CYP51A1: variants seen among roughly 807,000 people sequenced by gnomAD.
The protein encoded by CYP51A1 is lanosterol 14-alpha demethylase.
In CYP51A1, 45 loss-of-function variants were observed where a neutral mutation model predicts 53.5. The observed-to-expected ratio is 0.84, with a 90% confidence interval of 0.66 to 1.08. The LOEUF is 1.08. Ranked by LOEUF, CYP51A1 falls within the 50% of genes least tolerant of loss-of-function variation. The pLI is 0.00. For missense variants in CYP51A1, 462 were observed against 621.7 expected (o/e 0.74, Z 2.73); for synonymous variants, 181 against 217.7 (o/e 0.83, Z 1.48).
intron 7 of CYP51A1, among the ~76,000 whole-genome samples, chr7:92,120,964 A>G (rs1046505215): frequency 6.6e-6 from 1 of 152,184 alleles, no homozygotes; most frequent in African/African-American, 2.4e-5. Flanking sequence ...AAGACACTCA[A>G]CATCACTAGT....
chr7:92,134,158 A>G lies in CYP51A1; in HGVS notation c.192+15T>C, dbSNP rs754395890. On this transcript the variant is annotated intron_variant, in intron 1 of 9. Transcript: ENST00000003100. Reference sequence around the variant, plus strand: ...GCGGCGCGCGCCCCACTCAGACCCTAAAGAATGTACGTACCACCCCTGCGG... The same window carrying G: ...GCGGCGCGCGCCCCACTCAGACCCTGAAGAATGTACGTACCACCCCTGCGG... 1.9e-6 allele frequency: 3 copies of G among 1,610,246 alleles called. No homozygotes were observed. Among genetic ancestry groups the G allele is most frequent in the South Asian group, 2.2e-5 (2 of 90,932 alleles).
At chr7:92,113,903 G>A in intron 9 of CYP51A1, 60 bp from the exon 10 acceptor site, 1 of 1,155,976 alleles carries the variant, frequency 8.7e-7, no homozygotes. Context: ...TTTTTAGCCT[G>A]GGGTGATATT....
intron 1 of CYP51A1, among the ~76,000 whole-genome samples, chr7:92,132,767 AAG>A (rs1463379463): frequency 6.6e-6 from 1 of 152,210 alleles, no homozygotes; most frequent in African/African-American, 2.4e-5. Context: ...TAGAGTTTTT[AAG>A]AGAGTAGATC....
At chr7:92,124,805 G>A (rs972736428) in intron 5 of CYP51A1, among the ~76,000 whole-genome samples, 1 of 152,184 alleles carries the variant, frequency 6.6e-6, no homozygotes, top group Non-Finnish European at 1.5e-5. Flanking sequence ...AGCAAGCTCT[G>A]ACTTCATCCA....
intron 9 of CYP51A1, among the ~76,000 whole-genome samples, chr7:92,115,628 T>C (rs1441281530): frequency 6.6e-6 from 1 of 152,172 alleles, no homozygotes; most frequent in African/African-American, 2.4e-5. Context: ...AAGCCACCCA[T>C]ATTGTAATTA....
At position 92,112,516 on chromosome 7, in the gene CYP51A1, CCCT is replaced by C. The variant is rs1819412868; in HGVS notation, c.*1146_*1148del. On this transcript the variant is annotated 3_prime_UTR_variant, in exon 10 of 10. Coordinates refer to ENST00000003100, the MANE Select transcript of CYP51A1 (RefSeq NM_000786.4). ...AATCAATATGAGTAGTAACAAACATCCCTAATTGGATTCTAGAGAGGAAGCAGG... is the reference window on the plus strand; with the variant it reads ...AATCAATATGAGTAGTAACAAACATCAATTGGATTCTAGAGAGGAAGCAGG... 6.6e-6 allele frequency: 1 copy of C among 152,076 alleles called. No homozygotes were observed. The highest frequency in any genetic ancestry group is 1.5e-5 in the Non-Finnish European group (1 of 68,022). The allele number at this position is 152,076 out of a possible 1,614,324, so 9.4% of individuals were successfully genotyped here.
At chr7:92,124,754 GAAGA>G (rs1012289762) in intron 5 of CYP51A1, among the ~76,000 whole-genome samples, 9 of 152,188 alleles carry the variant, frequency 5.9e-5, no homozygotes, top group Non-Finnish European at 1.0e-4. Flanking sequence ...GGTATGAGTA[GAAGA>G]AAGAAAGACT....
In CYP51A1 at chr7:92,113,462, C is replaced by T. The variant is rs549209509; in HGVS notation, c.*203G>A. Reference sequence around the variant, plus strand: ...TTCCTGAAAGCACATGTATAAGTATCATAACTATTAGAAAATGTTTCAAAT... The same window carrying T: ...TTCCTGAAAGCACATGTATAAGTATTATAACTATTAGAAAATGTTTCAAAT... On this transcript the variant is annotated 3_prime_UTR_variant, in exon 10 of 10. Transcript: ENST00000003100. The T allele has an allele frequency of 9.6e-6, 5 of 520,872 alleles. No homozygotes were observed. The Admixed American group carries it at 2.0e-4, about 21-fold the overall frequency. The allele number at this position is 520,872 out of a possible 1,614,324, so 32.3% of individuals were successfully genotyped here. A position where few individuals can be genotyped will look rare whatever the true frequency, so the allele number is the denominator to read the frequency against.
chr7:92,115,350 G>A (rs1819561817), intron 9 of CYP51A1, among the ~76,000 whole-genome samples: 1 of 152,098 alleles, frequency 6.6e-6, no homozygotes, highest in Non-Finnish European at 1.5e-5. Context: ...CCTGACTTAG[G>A]GTAGGACTTA....
intron 9 of CYP51A1, among the ~76,000 whole-genome samples, chr7:92,114,596 AC>A (rs1355129978): frequency 6.6e-6 from 1 of 152,206 alleles, no homozygotes; most frequent in Non-Finnish European, 1.5e-5. Flanking sequence ...ACTAGATATT[AC>A]ATGGGGGAAA....
At chr7:92,115,326 T>C (rs1819561363) in intron 9 of CYP51A1, among the ~76,000 whole-genome samples, 1 of 152,170 alleles carries the variant, frequency 6.6e-6, no homozygotes, top group African/African-American at 2.4e-5. Flanking sequence ...CACAATTATT[T>C]AAGATGAGAT....
chr7:92,116,365 T>C (rs1425074517), intron 9 of CYP51A1, among the ~76,000 whole-genome samples: 1 of 152,248 alleles, frequency 6.6e-6, no homozygotes, highest in African/African-American at 2.4e-5. Context: ...CAAAGGACTT[T>C]ATATTTTCCT....
At position 92,126,392 on chromosome 7, in the gene CYP51A1, T is replaced by C; in HGVS notation, c.631A>G (p.Thr211Ala). The change falls in exon 5 of 10, where the codon ACA becomes GCA. Residue 211 changes from threonine (T) to alanine (A), a missense_variant. Physicochemically the swap from Thr to Ala is moderately conservative, Grantham distance 58. Transcript: ENST00000003100. ...TTTCCATGCAAACAATGGCTAGCTG[T>C]TAAAATTATGAGCTCAGAAAGAGCT... ...FEALSELIIL[T>A]ASHCLHGKEI... 6.2e-7 allele frequency: 1 copy of C among 1,613,728 alleles called. No individual in the cohort carries two copies.
At chr7:92,122,748 C>T (rs1449825791) in intron 7 of CYP51A1, among the ~76,000 whole-genome samples, 1 of 152,212 alleles carries the variant, frequency 6.6e-6, no homozygotes, top group Admixed American at 6.5e-5. Flanking sequence ...GAAGTCTCTG[C>T]TCATGCCCAG....
At chr7:92,126,502 T>A in intron 4 of CYP51A1, 75 bp from the exon 5 acceptor site, 1 of 1,282,310 alleles carries the variant, frequency 7.8e-7, no homozygotes, top group Non-Finnish European at 1.1e-6. Context: ...AAAACAGAAC[T>A]CAAGAAGAAA....
At chr7:92,126,478 A>G (rs1819803505) in intron 4 of CYP51A1, 51 bp from the exon 5 acceptor site, 18 of 1,462,328 alleles carry the variant, frequency 1.2e-5, no homozygotes, top group Non-Finnish European at 1.7e-5. Flanking sequence ...AAAGTGAAAG[A>G]AAATTGAGAA....
intron 9 of CYP51A1, 127 bp downstream of exon 9, chr7:92,116,917 A>C (rs1200804728): frequency 2.4e-6 from 2 of 825,730 alleles, no homozygotes; most frequent in Non-Finnish European, 3.6e-6. Context: ...CTTCTCCTAA[A>C]AAAGTTTGCA....
At chr7:92,117,329 T>C (rs1399173506) in intron 8 of CYP51A1, 117 bp from the exon 9 acceptor site, 6 of 824,210 alleles carry the variant, frequency 7.3e-6, no homozygotes, top group South Asian at 2.0e-5. Context: ...CCTTGACTTA[T>C]GATAGGTTTA....
Position 92,113,767 on chromosome 7 carries a change from A to T in CYP51A1, c.1428T>A (p.Tyr476Ter). The change falls in exon 10 of 10, where the codon TAT becomes TAA. Residue 476 changes from tyrosine (Y) to a stop codon, truncating the protein, a stop_gained. Transcript: ENST00000003100. LOFTEE classifies it high-confidence loss of function. ...KTIWSTMLRL[Y>*]EFDLIDGYFP... ...AGTATCCATCAATGAGATCAAATTC[A>T]TATAAACGAAGCATAGTGGACCAAA... 1 of 1,613,444 alleles carries T rather than the reference A, an allele frequency of 6.2e-7. No individual in the cohort carries two copies.
Sources: gnomAD v4.1 joint callset for allele counts (sites outside exome capture counted in the v4.1 genomes callset) on GRCh38, gnomAD v4.1.1 for gene constraint, MANE v1.5 for transcripts, NCBI Gene and HGNC (gene_info 2026-07-23, HGNC 2026-07-21) for gene names.